Variants in NDFIP2 observed in about 807,000 individuals in gnomAD.
NDFIP2 encodes the protein NEDD4 family-interacting protein 2.
A neutral mutation model predicts 36.0 loss-of-function variants in NDFIP2; 19 were observed. The ratio of observed to expected loss-of-function variants is 0.53; its 90% CI spans 0.37 to 0.77. The LOEUF is 0.77. Among genes scored for constraint, NDFIP2 ranks in the 30% least tolerant of loss-of-function variants. NDFIP2 has a pLI of 0.00. For missense variants in NDFIP2, 446 were observed against 435.8 expected (o/e 1.02, Z -0.21); for synonymous variants, 181 against 167.7 (o/e 1.08, Z -0.61).
chr13:79,552,343 T>C (rs1475917431), intron 7 of NDFIP2, among the ~76,000 whole-genome samples, 173 bp from the exon 8 acceptor site: 1 of 151,480 alleles, frequency 6.6e-6, no homozygotes, highest in Non-Finnish European at 1.5e-5. Context: ...ATTTTCTAGA[T>C]GAAAATCTGC....
intron 2 of NDFIP2, 33 bp from the exon 3 acceptor site, chr13:79,533,290 T>C (rs1230374841): frequency 6.3e-7 from 1 of 1,581,288 alleles, no homozygotes; most frequent in Non-Finnish European, 8.6e-7. Context: ...TAAATAGATT[T>C]TATTGGTTAT....
chr13:79,533,442 G>C lies in NDFIP2; in HGVS notation c.607G>C (p.Glu203Gln), dbSNP rs757445260. 3 of 1,599,492 alleles carry C rather than the reference G, an allele frequency of 1.9e-6. No homozygotes were observed. The highest frequency in any genetic ancestry group is 3.3e-4 in the Middle Eastern group (2 of 5,978). ...KAAAMAAAAAETSQRIQEEEC... is the reference protein window; with the variant it reads ...KAAAMAAAAAQTSQRIQEEEC... The stretch of plus-strand genomic sequence containing the variant: ...TGCTGCAATGGCAGCTGCAGCAGCA[G>C]AAACATCTCAAAGAGTAAGAAAATT... Residue 203 changes from glutamate (E) to glutamine (Q), a missense_variant, in exon 3 of 8, where the codon GAA becomes CAA. By Grantham distance (29) the Glu-to-Gln change is conservative. Coordinates refer to ENST00000218652, the MANE Select transcript of NDFIP2 (RefSeq NM_019080.3).
At chr13:79,533,488 A>C (rs774298224) in intron 3 of NDFIP2, 32 bp downstream of exon 3, 5 of 1,561,450 alleles carry the variant, frequency 3.2e-6, no homozygotes, top group Non-Finnish European at 4.3e-6. Flanking sequence ...TTTTGATAAA[A>C]TTATTTTCGT....
intron 1 of NDFIP2, among the ~76,000 whole-genome samples, chr13:79,510,532 CAG>C (rs1163614154): frequency 6.6e-6 from 1 of 152,050 alleles, no homozygotes; most frequent in African/African-American, 2.4e-5. Flanking sequence ...AAGATACACA[CAG>C]GGGAGAACCA....
In NDFIP2 at chr13:79,555,837, A is replaced by T. The variant is rs1486596926; in HGVS notation, c.*3324A>T. Reference sequence around the variant, plus strand: ...ATTTTACTTGTTAATAAAGTTGTATAGATGTGGAAGTGTGAACCTGTGATG... The same window carrying T: ...ATTTTACTTGTTAATAAAGTTGTATTGATGTGGAAGTGTGAACCTGTGATG... On this transcript the variant is annotated 3_prime_UTR_variant, in exon 8 of 8. Transcript: ENST00000218652. 2.0e-5 allele frequency: 3 copies of T among 152,148 alleles called. No homozygotes were observed. Among genetic ancestry groups the T allele is most frequent in the Non-Finnish European group, 4.4e-5 (3 of 67,994 alleles). The allele number at this position is 152,148 out of a possible 1,614,324, so 9.4% of individuals were successfully genotyped here.
intron 1 of NDFIP2, among the ~76,000 whole-genome samples, chr13:79,511,826 C>T (rs1003011884): frequency 5.3e-5 from 8 of 152,160 alleles, no homozygotes; most frequent in Non-Finnish European, 7.4e-5. Flanking sequence ...TTAGAGATTG[C>T]GAGGTGTCCC....
At chr13:79,552,077 T>A (rs1875929899) in intron 7 of NDFIP2, among the ~76,000 whole-genome samples, 1 of 151,402 alleles carries the variant, frequency 6.6e-6, no homozygotes. Context: ...TACTTATTTC[T>A]GCTAGAGTAC....
At chr13:79,525,572 C>G (rs1022265914) in intron 2 of NDFIP2, among the ~76,000 whole-genome samples, 2 of 152,148 alleles carry the variant, frequency 1.3e-5, no homozygotes, top group African/African-American at 4.8e-5. Flanking sequence ...AATGCAAGTA[C>G]TGCAATACTT....
rs1594862873 is a variant in NDFIP2 at position 79,552,527 on chromosome 13, C to G, written c.*14C>G. 1 of 151,862 alleles carries G rather than the reference C, an allele frequency of 6.6e-6. No individual in the cohort carries two copies. The highest frequency in any genetic ancestry group is 1.5e-5 in the Non-Finnish European group (1 of 67,414). 9.4% of individuals were successfully genotyped at this position (151,862 alleles called of 1,614,324 possible). A position where few individuals can be genotyped will look rare whatever the true frequency, so the allele number is the denominator to read the frequency against. On this transcript the variant is annotated 3_prime_UTR_variant, in exon 8 of 8. Transcript: ENST00000218652. ...TTCTTTGTCTCCAGACTGCATCAAC[C>G]CGACATTCCTTTCTTATACCAATGT...
At chr13:79,520,686 A>G (rs1874535204) in intron 1 of NDFIP2, 124 bp from the exon 2 acceptor site, 2 of 876,638 alleles carry the variant, frequency 2.3e-6, no homozygotes, top group Non-Finnish European at 3.2e-6. Flanking sequence ...TATACTATCT[A>G]AAAATGCCAT....
At chr13:79,516,828 T>C (rs1479124570) in intron 1 of NDFIP2, among the ~76,000 whole-genome samples, 1 of 152,152 alleles carries the variant, frequency 6.6e-6, no homozygotes, top group Non-Finnish European at 1.5e-5. Flanking sequence ...CTTATCTTGG[T>C]TCTTTTAGAG....
chr13:79,520,685 TA>T, intron 1 of NDFIP2, 124 bp from the exon 2 acceptor site: 1 of 870,084 alleles, frequency 1.1e-6, no homozygotes, highest in Non-Finnish European at 1.6e-6. Flanking sequence ...GTATACTATC[TA>T]AAAATGCCAT....
intron 4 of NDFIP2, among the ~76,000 whole-genome samples, chr13:79,542,626 C>A (rs958052506): frequency 5.9e-5 from 9 of 151,720 alleles, no homozygotes; most frequent in African/African-American, 2.2e-4. Flanking sequence ...TTTTGAGCAC[C>A]TACCATATAC....
chr13:79,521,296 A>G (rs376196005), intron 2 of NDFIP2, among the ~76,000 whole-genome samples: 23 of 152,292 alleles, frequency 1.5e-4, no homozygotes, highest in African/African-American at 5.5e-4. Context: ...ATACAAGGCA[A>G]TAATTCCTGT....
chr13:79,489,779 G>T (rs1261777612), intron 1 of NDFIP2, among the ~76,000 whole-genome samples: 1 of 152,218 alleles, frequency 6.6e-6, no homozygotes, highest in African/African-American at 2.4e-5. Context: ...TTAAGGGGAT[G>T]GCCTAGAGTG....
At chr13:79,545,202 G>A (rs1182034634) in intron 5 of NDFIP2, among the ~76,000 whole-genome samples, 6 of 152,150 alleles carry the variant, frequency 3.9e-5, no homozygotes, top group Admixed American at 2.6e-4. Flanking sequence ...TATGAGGACT[G>A]TTTTCTCAAT....
chr13:79,523,063 C>T (rs1313098070), intron 2 of NDFIP2, among the ~76,000 whole-genome samples: 1 of 152,124 alleles, frequency 6.6e-6, no homozygotes, highest in Non-Finnish European at 1.5e-5. Flanking sequence ...GGCCAGAAAC[C>T]TTGGAGTCTT....
At chr13:79,502,528 CA>C (rs1873706056) in intron 1 of NDFIP2, among the ~76,000 whole-genome samples, 1 of 151,806 alleles carries the variant, frequency 6.6e-6, no homozygotes, top group Non-Finnish European at 1.5e-5. Context: ...AAGCCCCTTA[CA>C]AAAGAAACAG....
At chr13:79,540,944 G>A (rs190779380) in intron 4 of NDFIP2, among the ~76,000 whole-genome samples, 2 of 152,262 alleles carry the variant, frequency 1.3e-5, no homozygotes, top group African/African-American at 4.8e-5. Flanking sequence ...GAAATAAACT[G>A]TGGTTACAAA....
Sources: allele counts gnomAD v4.1 joint callset (sites outside exome capture counted in the v4.1 genomes callset), GRCh38; gene constraint gnomAD v4.1.1; transcripts MANE v1.5; gene names NCBI Gene and HGNC (gene_info 2026-07-23, HGNC 2026-07-21).